Variants in BPIFB4 observed in about 807,000 individuals in gnomAD.
BPIFB4 encodes the protein BPI fold-containing family B member 4.
A neutral mutation model predicts 69.2 loss-of-function variants in BPIFB4; 62 were observed. The ratio of observed to expected loss-of-function variants is 0.90; its 90% CI spans 0.73 to 1.11. The LOEUF (loss-of-function observed/expected upper bound fraction) is 1.11. Ranked by LOEUF, BPIFB4 falls within the 50% of genes least tolerant of loss-of-function variation. BPIFB4 has a pLI of 0.00. For synonymous variants in BPIFB4, 330 were observed against 332.7 expected (o/e 0.99, Z 0.09); for missense variants, 789 against 792.0 (o/e 1.00, Z 0.04).
At chr20:33,088,587 C>T (rs902551859) in intron 7 of BPIFB4, among the ~76,000 whole-genome samples, 3 of 152,152 alleles carry the variant, frequency 2.0e-5, no homozygotes, top group Admixed American at 6.5e-5. Flanking sequence ...TAAATAAACA[C>T]GTTCGTTTTC....
At chr20:33,104,220 G>C (rs1433530545) in intron 15 of BPIFB4, among the ~76,000 whole-genome samples, 1 of 152,218 alleles carries the variant, frequency 6.6e-6, no homozygotes, top group African/African-American at 2.4e-5. Flanking sequence ...ACTCACTCCT[G>C]TTTTCAGATG....
rs1334405160 is a variant in BPIFB4 at position 33,104,789 on chromosome 20, GTCC to G, written c.1681-16_1681-14del. ...TGAGCAAACCCCCTGCCCAGGCTCT[GTCC>G]TCCTTCTTCCTCTGCAGATTGGCCT... On this transcript the variant is annotated intron_variant, in intron 15 of 17. Transcript: ENST00000375483. 5 of 1,613,518 alleles carry G rather than the reference GTCC, an allele frequency of 3.1e-6. No homozygotes were observed. The East Asian group carries it at 8.9e-5, about 29-fold the overall frequency.
chr20:33,104,465 T>C (rs1981988553), intron 15 of BPIFB4, among the ~76,000 whole-genome samples: 1 of 152,206 alleles, frequency 6.6e-6, no homozygotes, highest in Admixed American at 6.5e-5. Flanking sequence ...TTGGGACTTC[T>C]GTGATGCCAT....
intron 17 of BPIFB4, 144 bp from the exon 18 acceptor site, chr20:33,111,270 G>A (rs535994143): frequency 1.1e-5 from 11 of 1,005,900 alleles, no homozygotes; most frequent in South Asian, 4.4e-5. Context: ...GGTGCTCCTC[G>A]GGCCTGCATG....
At chr20:33,091,206 A>C (rs1252301948) in intron 10 of BPIFB4, among the ~76,000 whole-genome samples, 2 of 152,224 alleles carry the variant, frequency 1.3e-5, no homozygotes, top group African/African-American at 2.4e-5. Flanking sequence ...GATTGGGTGT[A>C]CTGGAGGAAT....
chr20:33,081,976 A>G (rs963537213), intron 3 of BPIFB4, among the ~76,000 whole-genome samples: 1 of 152,222 alleles, frequency 6.6e-6, no homozygotes, highest in Admixed American at 6.5e-5. Context: ...TATCTGTAAA[A>G]TGGGTGTAAT....
intron 8 of BPIFB4, 65 bp downstream of exon 8, chr20:33,089,094 C>A: frequency 6.2e-7 from 1 of 1,610,150 alleles, no homozygotes; most frequent in South Asian, 1.1e-5. Flanking sequence ...GGGCCATAGT[C>A]CAGCCTCCAT....
intron 5 of BPIFB4, 28 bp from the exon 6 acceptor site, chr20:33,084,864 C>T (rs1981371101): frequency 1.3e-6 from 2 of 1,599,472 alleles, no homozygotes; most frequent in Non-Finnish European, 1.7e-6. Context: ...GGGTGGCCGG[C>T]CTTCTCACCA....
intron 16 of BPIFB4, among the ~76,000 whole-genome samples, chr20:33,107,190 C>A (rs1481572446): frequency 2.4e-5 from 3 of 126,646 alleles, no homozygotes; most frequent in South Asian, 2.5e-4. Flanking sequence ...GGCAACAGAG[C>A]AAGACTCAGT....
At chr20:33,105,257 G>T (rs1160352736) in intron 16 of BPIFB4, among the ~76,000 whole-genome samples, 1 of 152,034 alleles carries the variant, frequency 6.6e-6, no homozygotes, top group Non-Finnish European at 1.5e-5. Context: ...TTTCCCATAT[G>T]ATTGAGATCT....
chr20:33,089,607 G>T (rs768802710), intron 9 of BPIFB4, 49 bp downstream of exon 9: 1 of 1,613,618 alleles, frequency 6.2e-7, no homozygotes, highest in African/African-American at 1.3e-5. Context: ...TGAGGACCGG[G>T]CCCTTTCTGG....
At position 33,097,694 on chromosome 20, in the gene BPIFB4, G is replaced by T; in HGVS notation, c.1476G>T (p.Gln492His). ...QVLNPPSVML[Q>H]KDKALVKVLA... ...TGAACCCACCATCTGTGATGCTGCA[G>T]AAGGACAAAGCGCTGGTGAAGGTGT... The change falls in exon 13 of 18, where the codon CAG becomes CAT. Residue 492 changes from glutamine (Q) to histidine (H), a missense_variant. By Grantham distance (24) the Gln-to-His change is conservative. Coordinates refer to ENST00000375483, the MANE Select transcript of BPIFB4 (RefSeq NM_182519.3). 1 of 1,614,174 alleles carries T rather than the reference G, an allele frequency of 6.2e-7. No homozygotes were observed. The highest frequency in any genetic ancestry group is 8.5e-7 in the Non-Finnish European group (1 of 1,179,992).
chr20:33,110,749 G>A (rs561770806), intron 17 of BPIFB4, among the ~76,000 whole-genome samples: 16 of 132,134 alleles, frequency 1.2e-4, no homozygotes, highest in East Asian at 6.5e-4. Context: ...AGAGACTCAC[G>A]AATTTTTTTT....
At chr20:33,083,335 C>T (rs1461158985) in intron 4 of BPIFB4, 32 bp from the exon 5 acceptor site, 12 of 1,594,240 alleles carry the variant, frequency 7.5e-6, no homozygotes, top group Non-Finnish European at 1.0e-5. Context: ...GACACCATTA[C>T]AATGACTACA....
rs904480203 is a variant in BPIFB4, at chr20:33,090,737, G to A, written c.1081G>A (p.Val361Ile). Reference sequence around the variant, plus strand: ...GATTCCTCTGGGGATATTGGGAAGTGTCCAGTACACCTTCTCCAGCCTCCC... The same window carrying A: ...GATTCCTCTGGGGATATTGGGAAGTATCCAGTACACCTTCTCCAGCCTCCC... ...SLIPLGILGSVQYTFSSLPLV... is the reference protein window; with the variant it reads ...SLIPLGILGSIQYTFSSLPLV... The change falls in exon 10 of 18, where the codon GTC (valine) becomes ATC (isoleucine). Residue 361 changes from valine to isoleucine, a missense_variant. Val to Ile is a conservative substitution (Grantham distance 29). Transcript: ENST00000375483. 1.9e-6 allele frequency: 3 copies of A among 1,614,212 alleles called. No homozygotes were observed. Among genetic ancestry groups the A allele is most frequent in the Admixed American group, 1.7e-5 (1 of 60,026 alleles).
chr20:33,090,609 G>T, intron 9 of BPIFB4, 99 bp from the exon 10 acceptor site: 3 of 1,555,974 alleles, frequency 1.9e-6, no homozygotes, highest in South Asian at 2.4e-5. Flanking sequence ...TGGAGCTGGA[G>T]CCTGGGCCTA....
At chr20:33,095,304 A>G in intron 12 of BPIFB4, 151 bp downstream of exon 12, 1 of 845,276 alleles carries the variant, frequency 1.2e-6, no homozygotes, top group Non-Finnish European at 2.0e-6. Flanking sequence ...AAGGGCTTGC[A>G]GGCTAGACCC....
rs1981422918 is a variant in BPIFB4, at chr20:33,086,159, G to A, written c.921G>A (p.Leu307=). The change falls in exon 7 of 18, where the codon CTG becomes CTA. Residue 307 remains leucine, a synonymous_variant. Coordinates refer to ENST00000375483, the MANE Select transcript of BPIFB4 (RefSeq NM_182519.3). ...TLLGGIKVKL[L]RGLLPNLVDN... ...TAGGGGGCATCAAAGTCAAGCTGCT[G>A]CGAGGGTGAGTGCTAGCCGGCAGTG... 5 of 1,605,216 alleles carry A rather than the reference G, an allele frequency of 3.1e-6. No individual in the cohort carries two copies. Among genetic ancestry groups the A allele is most frequent in the Non-Finnish European group, 4.3e-6 (5 of 1,172,784 alleles).
At position 33,081,646 on chromosome 20, in the gene BPIFB4, C is replaced by A; in HGVS notation, c.106+14C>A. 1 of 1,551,446 alleles carries A rather than the reference C, an allele frequency of 6.4e-7. No individual in the cohort carries two copies. Among genetic ancestry groups the A allele is most frequent in the Non-Finnish European group, 8.7e-7 (1 of 1,146,908 alleles). ...TGTTGAGCAATGGTGAGTCCAGCCC[C>A]AAAGGGGTGAGGGTTGGCATGGGGT... is the stretch of plus-strand genomic sequence containing the variant. On this transcript the variant is annotated intron_variant, in intron 3 of 17. Transcript: ENST00000375483.
Sources: allele counts gnomAD v4.1 joint callset (sites outside exome capture counted in the v4.1 genomes callset), GRCh38; gene constraint gnomAD v4.1.1; transcripts MANE v1.5; gene names NCBI Gene and HGNC (gene_info 2026-07-23, HGNC 2026-07-21).